SUPT3H: variants seen among roughly 807,000 people sequenced by gnomAD.
SUPT3H encodes the protein transcription initiation protein SPT3 homolog.
In SUPT3H, 44 loss-of-function variants were observed where a neutral mutation model predicts 44.3. The observed-to-expected ratio is 0.99, with a 90% CI of 0.78 to 1.28. SUPT3H has a LOEUF of 1.28. SUPT3H is among the 50% of genes most tolerant of loss of function. The pLI, the probability that SUPT3H is intolerant of heterozygous loss-of-function variation, is 0.00. For missense variants in SUPT3H, 380 were observed against 387.1 expected, an observed-to-expected ratio of 0.98 and a Z score of 0.15; for synonymous variants, 124 against 125.6, an observed-to-expected ratio of 0.99 and a Z score of 0.09.
At chr6:45,347,357 G>C (rs1791099385) in intron 2 of SUPT3H, among the ~76,000 whole-genome samples, 1 of 152,092 alleles carries the variant, frequency 6.6e-6, no homozygotes, top group South Asian at 2.1e-4. Context: ...TCTTTCTCAA[G>C]TTACAAATGT....
At chr6:45,016,193 A>G (rs1784237731) in intron 4 of SUPT3H, among the ~76,000 whole-genome samples, 1 of 152,092 alleles carries the variant, frequency 6.6e-6, no homozygotes, top group African/African-American at 2.4e-5. Flanking sequence ...CAATGTTAGT[A>G]TGATACCTAC....
chr6:45,260,131 T>C (rs925216328), intron 2 of SUPT3H, among the ~76,000 whole-genome samples: 6 of 152,182 alleles, frequency 3.9e-5, no homozygotes, highest in Non-Finnish European at 1.5e-5. Context: ...AAACTTATGT[T>C]ACATGGTATA....
intron 2 of SUPT3H, among the ~76,000 whole-genome samples, chr6:45,193,251 A>T (rs924648526): frequency 1.3e-5 from 2 of 152,270 alleles, no homozygotes; most frequent in African/African-American, 4.8e-5. Flanking sequence ...AAGTTTGTGT[A>T]CACTGGTTCC....
chr6:45,111,617 C>T (rs1336590963), intron 2 of SUPT3H, among the ~76,000 whole-genome samples: 1 of 144,498 alleles, frequency 6.9e-6, no homozygotes, highest in East Asian at 2.1e-4. Context: ...TTTTTCCTTT[C>T]AAACAATTAC....
At chr6:44,825,877 G>T (rs1767708819), downstream of SUPT3H, among the ~76,000 whole-genome samples, 1 of 152,244 alleles carries the variant, frequency 6.6e-6, no homozygotes, top group African/African-American at 2.4e-5. Flanking sequence ...AAGGGATCAT[G>T]AACACAATGC....
chr6:45,020,658 T>G, intron 3 of SUPT3H, 26 bp from the exon 4 acceptor site: 1 of 1,570,884 alleles, frequency 6.4e-7, no homozygotes, highest in East Asian at 2.2e-5. Context: ...ATTTAGAAAT[T>G]TTTCTCAGTA....
intron 2 of SUPT3H, chr6:45,361,443 G>T (rs1794243956): frequency 6.6e-6 from 1 of 151,922 alleles, no homozygotes; most frequent in Admixed American, 6.6e-5. Context: ...TATATAAATG[G>T]GTAAAGTAAG....
chr6:45,058,282 CAGTTTAGCAATTGATTTCTT>C (rs1388379488), intron 3 of SUPT3H, among the ~76,000 whole-genome samples: 3 of 152,052 alleles, frequency 2.0e-5, no homozygotes, highest in Non-Finnish European at 4.4e-5. Flanking sequence ...ACATTTTTGG[CAGTTTAGCAATTGATTTCTT>C]ATAGTCAAGG....
At chr6:45,212,412 T>C (rs1344693369) in intron 2 of SUPT3H, among the ~76,000 whole-genome samples, 1 of 151,892 alleles carries the variant, frequency 6.6e-6, no homozygotes, top group Non-Finnish European at 1.5e-5. Context: ...TTAAAAGGAG[T>C]TTCCTTTTCT....
At chr6:44,892,562 G>A (rs1402143718) in intron 10 of SUPT3H, among the ~76,000 whole-genome samples, 2 of 152,146 alleles carry the variant, frequency 1.3e-5, no homozygotes, top group Non-Finnish European at 2.9e-5. Flanking sequence ...AACATCTATG[G>A]ATATTTAGAT....
intron 2 of SUPT3H, among the ~76,000 whole-genome samples, chr6:45,150,368 G>GA (rs1364796324): frequency 3.9e-5 from 6 of 152,066 alleles, no homozygotes; most frequent in African/African-American, 1.4e-4. Flanking sequence ...AATGTCTGAT[G>GA]AAAAAATGAC....
intron 2 of SUPT3H, among the ~76,000 whole-genome samples, chr6:45,187,717 C>T (rs1814486784): frequency 6.6e-6 from 1 of 152,082 alleles, no homozygotes; most frequent in African/African-American, 2.4e-5. Context: ...CAATACAGTA[C>T]AAAAAGACCA....
At chr6:44,902,762 T>C (rs1022790639) in intron 10 of SUPT3H, among the ~76,000 whole-genome samples, 2 of 152,126 alleles carry the variant, frequency 1.3e-5, no homozygotes, top group Non-Finnish European at 2.9e-5. Flanking sequence ...TACTCCAAAA[T>C]TGACCACATA....
intron 10 of SUPT3H, among the ~76,000 whole-genome samples, chr6:44,849,459 C>G (rs1012297504): frequency 6.6e-6 from 1 of 151,738 alleles, no homozygotes; most frequent in Non-Finnish European, 1.5e-5. Context: ...GATCTCCTGA[C>G]CTCGTGATCC....
intron 2 of SUPT3H, among the ~76,000 whole-genome samples, chr6:45,309,499 T>C (rs949567520): frequency 1.6e-4 from 24 of 151,388 alleles, no homozygotes; most frequent in African/African-American, 5.6e-4. Flanking sequence ...TTATAAAATA[T>C]ATGAGACAGC....
intron 2 of SUPT3H, among the ~76,000 whole-genome samples, chr6:45,220,459 A>G (rs533524652): frequency 3.3e-5 from 5 of 152,304 alleles, no homozygotes; most frequent in Admixed American, 3.3e-4. Context: ...AATGACAGCT[A>G]AAATTATTCA....
intron 4 of SUPT3H, among the ~76,000 whole-genome samples, chr6:45,020,183 A>T (rs927031053): frequency 6.6e-6 from 1 of 151,950 alleles, no homozygotes; most frequent in African/African-American, 2.4e-5. Flanking sequence ...TAATCCTGGT[A>T]ATGTTAATCT....
At chr6:45,191,572 T>C (rs1815142189) in intron 2 of SUPT3H, among the ~76,000 whole-genome samples, 1 of 152,132 alleles carries the variant, frequency 6.6e-6, no homozygotes, top group African/African-American at 2.4e-5. Context: ...TAGTTAATAA[T>C]AACATATCAA....
At chr6:44,870,738 G>A (rs559045632) in intron 10 of SUPT3H, among the ~76,000 whole-genome samples, 12 of 151,468 alleles carry the variant, frequency 7.9e-5, no homozygotes, top group South Asian at 2.1e-4. Context: ...CTGAGGTACC[G>A]GGTTCATCTC....
Sources: allele counts gnomAD v4.1 joint callset (sites outside exome capture counted in the v4.1 genomes callset), GRCh38; gene constraint gnomAD v4.1.1; transcripts MANE v1.5; gene names NCBI Gene and HGNC (gene_info 2026-07-23, HGNC 2026-07-21).